The following SLIT3 variants were observed in gnomAD, a reference collection of about 807,000 sequenced individuals.
The protein encoded by SLIT3 is slit homolog 3 protein.
SLIT3 carries 68 observed loss-of-function variants against 184.0 expected under a neutral mutation model. That is an observed-to-expected ratio of 0.37 (90% CI 0.30 to 0.45). The LOEUF (loss-of-function observed/expected upper bound fraction) is 0.45, where lower values mean the gene tolerates loss of function less well. Ranked by LOEUF, SLIT3 falls within the 20% of genes least tolerant of loss-of-function variation. SLIT3 has a pLI of 1.00. For missense variants in SLIT3, 1,707 were observed against 2,026.0 expected (o/e 0.84, Z 3.02); for synonymous variants, 831 against 828.6 (o/e 1.00, Z -0.05).
At chr5:168,963,948 TAA>T (rs1432907037) in intron 4 of SLIT3, among the ~76,000 whole-genome samples, 1 of 152,214 alleles carries the variant, frequency 6.6e-6, no homozygotes. Flanking sequence ...AACTGGATTT[TAA>T]AAGACCTACT....
In SLIT3 at chr5:169,020,665, T is replaced by TA. The variant is rs1488224781; in HGVS notation, c.414-137330dup. On this transcript the variant is annotated intron_variant, in intron 4 of 35. Transcript: ENST00000519560. ...GAGCCTCCTTCCTTAGGTTAGAACT[T>TA]AGAGTTAAGGAATGAAATCTTCTCA... 3.9e-5 allele frequency among the ~76,000 whole-genome samples: 6 copies of TA among 152,324 alleles called. No homozygotes were observed. The East Asian group carries it at 1.2e-3, about 29-fold the overall frequency.
intron 23 of SLIT3, among the ~76,000 whole-genome samples, chr5:168,718,489 G>A (rs1561891640): frequency 2.0e-5 from 3 of 152,142 alleles, no homozygotes; most frequent in Non-Finnish European, 4.4e-5. Flanking sequence ...GTGACTTGGT[G>A]TGGAGCAAAG....
intron 4 of SLIT3, among the ~76,000 whole-genome samples, chr5:169,055,672 C>G (rs1757975935): frequency 6.6e-6 from 1 of 152,042 alleles, no homozygotes; most frequent in Non-Finnish European, 1.5e-5. Context: ...AACCCCATCT[C>G]TACTAAAAAT....
chr5:169,042,268 G>A (rs1267393532), intron 4 of SLIT3, among the ~76,000 whole-genome samples: 2 of 152,154 alleles, frequency 1.3e-5, no homozygotes, highest in African/African-American at 4.8e-5. Flanking sequence ...GAAACCAGAA[G>A]AGGCTGGAAA....
chr5:169,035,067 C>A (rs549962441), intron 4 of SLIT3, among the ~76,000 whole-genome samples: 1 of 152,008 alleles, frequency 6.6e-6, no homozygotes, highest in East Asian at 1.9e-4. Context: ...CAGGTGTGAG[C>A]CACTAGTGCC....
chr5:168,760,307 T>C (rs1755100389), intron 16 of SLIT3, among the ~76,000 whole-genome samples: 1 of 152,162 alleles, frequency 6.6e-6, no homozygotes, highest in Non-Finnish European at 1.5e-5. Flanking sequence ...GATCTGCATC[T>C]CTGGCAGTGG....
chr5:168,859,628 T>A (rs1759031948), intron 5 of SLIT3, among the ~76,000 whole-genome samples: 1 of 152,240 alleles, frequency 6.6e-6, no homozygotes, highest in Non-Finnish European at 1.5e-5. Flanking sequence ...ACAGAGCACT[T>A]AGAGACTCTG....
At chr5:168,893,770 A>G (rs1760559078) in intron 4 of SLIT3, among the ~76,000 whole-genome samples, 1 of 152,140 alleles carries the variant, frequency 6.6e-6, no homozygotes, top group South Asian at 2.1e-4. Context: ...TCTGAAATGA[A>G]GTGTGTGCAT....
At chr5:168,811,936 C>T (rs1757169662) in intron 8 of SLIT3, among the ~76,000 whole-genome samples, 1 of 152,204 alleles carries the variant, frequency 6.6e-6, no homozygotes, top group East Asian at 1.9e-4. Context: ...GCATTAGTCA[C>T]AGTAACCAAG....
At chr5:168,891,879 G>C (rs946528348) in intron 4 of SLIT3, among the ~76,000 whole-genome samples, 2 of 152,156 alleles carry the variant, frequency 1.3e-5, no homozygotes, top group African/African-American at 2.4e-5. Context: ...TGAGGAAGTC[G>C]GGCTGCATGT....
At chr5:168,848,340 T>C (rs1561966113) in intron 5 of SLIT3, among the ~76,000 whole-genome samples, 1 of 152,218 alleles carries the variant, frequency 6.6e-6, no homozygotes, top group Non-Finnish European at 1.5e-5. Context: ...CTTCTTGTCT[T>C]TCTGAGACAC....
chr5:168,982,675 G>T (rs1754989627), intron 4 of SLIT3, among the ~76,000 whole-genome samples: 1 of 152,120 alleles, frequency 6.6e-6, no homozygotes, highest in Non-Finnish European at 1.5e-5. Context: ...GTAGGTTTGG[G>T]CCTGTGACTC....
At chr5:168,695,040 G>T (rs1762012959) in intron 28 of SLIT3, among the ~76,000 whole-genome samples, 1 of 152,196 alleles carries the variant, frequency 6.6e-6, no homozygotes, top group Non-Finnish European at 1.5e-5. Flanking sequence ...ACAGTTTCAA[G>T]AGTGTACTTG....
At chr5:169,167,802 G>T (rs1223749103) in intron 4 of SLIT3, among the ~76,000 whole-genome samples, 1 of 152,066 alleles carries the variant, frequency 6.6e-6, no homozygotes, top group South Asian at 2.1e-4. Flanking sequence ...CTGCCACCCA[G>T]CAACCCCTCA....
At chr5:169,204,208 G>A (rs1187647519) in intron 3 of SLIT3, among the ~76,000 whole-genome samples, 1 of 151,820 alleles carries the variant, frequency 6.6e-6, no homozygotes, top group Non-Finnish European at 1.5e-5. Context: ...AGGGAGGGAG[G>A]GAGGAACTGG....
intron 1 of SLIT3, among the ~76,000 whole-genome samples, chr5:169,271,254 G>C (rs1405897975): frequency 1.3e-5 from 2 of 152,148 alleles, no homozygotes; most frequent in African/African-American, 2.4e-5. Flanking sequence ...CATGAAAGAG[G>C]CTAACTTCGA....
rs1762968335 is a variant in SLIT3 at position 168,722,308 on chromosome 5, G to A, written c.2431C>T (p.Leu811=). ...AAGGCGTGGACGGGGATGCACCTCAGCCGGTTGTAGCTCAGGATCCTGTGG... is the reference window on the plus strand; with the variant it reads ...AAGGCGTGGACGGGGATGCACCTCAACCGGTTGTAGCTCAGGATCCTGTGG... The part of the protein sequence containing the change: ...LSTLILSYNR[L]RCIPVHAFNG... The change falls in exon 23 of 36, where the codon CTG becomes TTG. Residue 811 remains leucine (L), a synonymous_variant. Coordinates refer to ENST00000519560, the MANE Select transcript of SLIT3 (RefSeq NM_003062.4). 4 of 1,614,158 alleles carry A rather than the reference G, an allele frequency of 2.5e-6. No individual in the cohort carries two copies. The East Asian group carries it at 8.9e-5, about 36-fold the overall frequency.
At chr5:169,020,236 A>C (rs566656062) in intron 4 of SLIT3, among the ~76,000 whole-genome samples, 3 of 152,210 alleles carry the variant, frequency 2.0e-5, no homozygotes, top group Admixed American at 6.5e-5. Flanking sequence ...TTGAACAAAC[A>C]TATTTCCTTG....
At chr5:168,718,873 T>C (rs1762848100) in intron 23 of SLIT3, among the ~76,000 whole-genome samples, 1 of 152,196 alleles carries the variant, frequency 6.6e-6, no homozygotes, top group African/African-American at 2.4e-5. Context: ...CCAACATCTC[T>C]GGGTCTCTGG....
Sources: allele counts gnomAD v4.1 joint callset (sites outside exome capture counted in the v4.1 genomes callset), GRCh38; gene constraint gnomAD v4.1.1; transcripts MANE v1.5; gene names NCBI Gene and HGNC (gene_info 2026-07-23, HGNC 2026-07-21).